Variants in RBFOX1 observed in about 807,000 individuals in gnomAD.
RBFOX1 encodes RNA binding protein fox-1 homolog 1.
Under a neutral mutation model 57.7 loss-of-function variants are expected in RBFOX1, and 8 were observed. The observed-to-expected ratio is 0.14, with a 90% CI of 0.08 to 0.25. The LOEUF (loss-of-function observed/expected upper bound fraction) is 0.25. RBFOX1 is among the 10% of genes least tolerant of loss of function. The pLI is 1.00. For missense variants in RBFOX1, 611 were observed against 548.5 expected (o/e 1.11, Z -1.14); for synonymous variants, 326 against 222.4 (o/e 1.47, Z -4.15).
intron 4 of RBFOX1, among the ~76,000 whole-genome samples, chr16:7,365,568 C>T (rs1038502562): frequency 6.6e-6 from 1 of 152,186 alleles, no homozygotes; most frequent in Non-Finnish European, 1.5e-5. Context: ...CTGCTGACAT[C>T]TACGGGATAG....
chr16:6,729,565 C>G (rs771389186), intron 3 of RBFOX1, among the ~76,000 whole-genome samples: 13 of 152,102 alleles, frequency 8.5e-5, no homozygotes, highest in Admixed American at 1.3e-4. Flanking sequence ...ATACTTCTGT[C>G]TCTGGGAATA....
At chr16:7,058,015 A>AAAAC (rs1472928697) in intron 4 of RBFOX1, among the ~76,000 whole-genome samples, 1 of 151,478 alleles carries the variant, frequency 6.6e-6, no homozygotes, top group Non-Finnish European at 1.5e-5. Flanking sequence ...GGAAAAAAAA[A>AAAAC]AAAAAAACAC....
chr16:6,410,222 G>A (rs2152968924), intron 2 of RBFOX1, among the ~76,000 whole-genome samples: 1 of 149,882 alleles, frequency 6.7e-6, no homozygotes, highest in Middle Eastern at 3.5e-3. Context: ...ATATGAATGT[G>A]CTTTTACAGG....
intron 1 of RBFOX1, among the ~76,000 whole-genome samples, chr16:5,277,659 G>A (rs995214659): frequency 3.3e-5 from 5 of 151,984 alleles, no homozygotes; most frequent in East Asian, 1.9e-4. Flanking sequence ...CCATAACTGC[G>A]GTCTCTATCC....
chr16:6,373,176 G>C (rs1218753855), intron 2 of RBFOX1, among the ~76,000 whole-genome samples: 2 of 152,002 alleles, frequency 1.3e-5, no homozygotes, highest in African/African-American at 4.8e-5. Context: ...GAGGATGTTT[G>C]GGTGGAGTGG....
In RBFOX1 at chr16:6,671,863, A is replaced by C. The variant is rs2098767282; in HGVS notation, c.-16+17213A>C. On this transcript the variant is annotated intron_variant, in intron 3 of 15. Coordinates refer to ENST00000550418, the MANE Select transcript of RBFOX1 (RefSeq NM_018723.4). ...TCCCAGTAATTATAAGAGTTCATGA[A>C]ATTTTTGTGTGCCATTTTACATTCA... 2.6e-5 allele frequency among the ~76,000 whole-genome samples: 4 copies of C among 152,326 alleles called. No individual in the cohort carries two copies. The South Asian group carries it at 8.3e-4, about 32-fold the overall frequency.
intron 3 of RBFOX1, among the ~76,000 whole-genome samples, chr16:5,769,952 A>C (rs750591434): frequency 6.6e-6 from 1 of 152,194 alleles, no homozygotes; most frequent in Non-Finnish European, 1.5e-5. Context: ...GGCTCTCAGT[A>C]TAGGTATGTG....
chr16:7,070,935 G>C (rs1482667404), intron 4 of RBFOX1, among the ~76,000 whole-genome samples: 2 of 152,148 alleles, frequency 1.3e-5, no homozygotes, highest in Admixed American at 1.3e-4. Context: ...GCAGGACTCA[G>C]CTTGGAATTT....
At chr16:6,933,084 C>T (rs192697826) in intron 3 of RBFOX1, among the ~76,000 whole-genome samples, 1 of 152,200 alleles carries the variant, frequency 6.6e-6, no homozygotes, top group Non-Finnish European at 1.5e-5. Flanking sequence ...TCTTCCCTGT[C>T]TAAGGATGAA....
At chr16:6,303,537 T>A (rs2079077507) in intron 1 of RBFOX1, among the ~76,000 whole-genome samples, 1 of 152,172 alleles carries the variant, frequency 6.6e-6, no homozygotes, top group African/African-American at 2.4e-5. Flanking sequence ...CACTATGTAC[T>A]GAGGGTTTGC....
intron 4 of RBFOX1, among the ~76,000 whole-genome samples, chr16:5,995,189 T>C (rs1440057104): frequency 6.6e-6 from 1 of 152,256 alleles, no homozygotes; most frequent in East Asian, 1.9e-4. Context: ...CTTACCATTA[T>C]TTTTATTTAT....
chr16:5,479,175 C>T (rs1407714260), intron 2 of RBFOX1, among the ~76,000 whole-genome samples: 2 of 152,130 alleles, frequency 1.3e-5, no homozygotes, highest in Non-Finnish European at 2.9e-5. Flanking sequence ...CCCTCATTAT[C>T]TTCTGTCATG....
At chr16:5,436,298 C>G (rs773504023) in intron 1 of RBFOX1, among the ~76,000 whole-genome samples, 1 of 152,174 alleles carries the variant, frequency 6.6e-6, no homozygotes, top group Non-Finnish European at 1.5e-5. Context: ...ATTTGGTGCC[C>G]TTGGTTCCAA....
At chr16:6,080,943 A>G (rs1275840483) in intron 1 of RBFOX1, among the ~76,000 whole-genome samples, 1 of 152,222 alleles carries the variant, frequency 6.6e-6, no homozygotes, top group Non-Finnish European at 1.5e-5. Context: ...GGAAACACCC[A>G]GAACCACAAA....
intron 1 of RBFOX1, among the ~76,000 whole-genome samples, chr16:6,271,080 A>G (rs552251894): frequency 3.9e-5 from 6 of 152,348 alleles, no homozygotes; most frequent in Non-Finnish European, 5.9e-5. Context: ...TGAATACATT[A>G]GAGAAGAGGA....
intron 4 of RBFOX1, among the ~76,000 whole-genome samples, chr16:7,123,564 C>A (rs907700530): frequency 1.3e-5 from 2 of 151,992 alleles, no homozygotes; most frequent in Non-Finnish European, 2.9e-5. Context: ...GGGGTTTTGA[C>A]ATATTGTCCA....
At chr16:7,120,842 C>CACACACACACACACACAT (rs2067000592) in intron 4 of RBFOX1, among the ~76,000 whole-genome samples, 1 of 149,638 alleles carries the variant, frequency 6.7e-6, no homozygotes, top group African/African-American at 2.5e-5. Context: ...CACACACACA[C>CACACACACACACACACAT]ACACACACAC....
intron 1 of RBFOX1, among the ~76,000 whole-genome samples, chr16:5,438,681 G>A (rs1253079294): frequency 6.6e-6 from 1 of 152,056 alleles, no homozygotes; most frequent in Admixed American, 6.6e-5. Flanking sequence ...GGGAAGCAAG[G>A]GTCACTCTGT....
At chr16:6,612,600 C>G (rs953419480) in intron 2 of RBFOX1, among the ~76,000 whole-genome samples, 1 of 151,898 alleles carries the variant, frequency 6.6e-6, no homozygotes, top group Non-Finnish European at 1.5e-5. Context: ...ACCTGTAATC[C>G]CAGCACTTTG....
Sources: allele counts gnomAD v4.1 joint callset (sites outside exome capture counted in the v4.1 genomes callset), GRCh38; gene constraint gnomAD v4.1.1; transcripts MANE v1.5; gene names NCBI Gene and HGNC (gene_info 2026-07-23, HGNC 2026-07-21).